Variants in ANKRD10 observed in about 807,000 individuals in gnomAD.
The protein encoded by ANKRD10 is ankyrin repeat domain-containing protein 10.
Under a neutral mutation model 27.0 loss-of-function variants are expected in ANKRD10, and 14 were observed. The observed-to-expected ratio is 0.52, with a 90% CI of 0.34 to 0.81. The LOEUF (loss-of-function observed/expected upper bound fraction) is 0.81, where lower values mean the gene tolerates loss of function less well. Ranked by LOEUF, ANKRD10 falls within the 40% of genes least tolerant of loss-of-function variation. The pLI is 0.01. For missense variants in ANKRD10, 493 were observed against 544.0 expected (o/e 0.91, Z 0.93); for synonymous variants, 250 against 224.5 (o/e 1.11, Z -1.01).
At chr13:110,889,767 G>A (rs1264930686) in intron 4 of ANKRD10, among the ~76,000 whole-genome samples, 1 of 152,134 alleles carries the variant, frequency 6.6e-6, no homozygotes, top group Non-Finnish European at 1.5e-5. Flanking sequence ...AGGTGACTTA[G>A]CCAGAAAACT....
intron 4 of ANKRD10, among the ~76,000 whole-genome samples, chr13:110,891,622 G>A (rs1442235463): frequency 6.6e-6 from 1 of 152,168 alleles, no homozygotes; most frequent in African/African-American, 2.4e-5. Context: ...AAATAAGGTA[G>A]AAAAGATGAT....
At chr13:110,882,693 A>G (rs2064842273) in intron 5 of ANKRD10, among the ~76,000 whole-genome samples, 1 of 152,196 alleles carries the variant, frequency 6.6e-6, no homozygotes, top group Admixed American at 6.5e-5. Context: ...AAATATACTA[A>G]CTGATCTGAA....
At position 110,911,248 on chromosome 13, in the gene ANKRD10, G is replaced by C. The variant is rs532590326; in HGVS notation, c.211-478C>G. 9.3e-5 allele frequency among the ~76,000 whole-genome samples: 13 copies of C among 139,600 alleles called. No homozygotes were observed. The South Asian group carries it at 3.0e-3, about 32-fold the overall frequency. The allele number at this position is 139,600 out of a possible 152,430, so 91.6% of individuals were successfully genotyped here. A position where few individuals can be genotyped will look rare whatever the true frequency, so the allele number is the denominator to read the frequency against. On this transcript the variant is annotated intron_variant, in intron 1 of 5. Coordinates refer to ENST00000267339, the MANE Select transcript of ANKRD10 (RefSeq NM_017664.4). ...GTGGATCACTTGAGGTCAGGAATTC[G>C]AAACCAGCCTGGCCAACATGGTGAA...
intron 3 of ANKRD10, among the ~76,000 whole-genome samples, chr13:110,893,722 C>G (rs890142922): frequency 2.0e-5 from 3 of 152,222 alleles, no homozygotes; most frequent in Non-Finnish European, 2.9e-5. Flanking sequence ...AACGAGCCAG[C>G]CTTCATGCTT....
At chr13:110,897,984 A>G (rs1399314120) in intron 3 of ANKRD10, among the ~76,000 whole-genome samples, 1 of 152,196 alleles carries the variant, frequency 6.6e-6, no homozygotes, top group Non-Finnish European at 1.5e-5. Flanking sequence ...TTTCTGAAAA[A>G]CATCTATTAA....
chr13:110,905,527 T>C (rs1359512634), intron 3 of ANKRD10, among the ~76,000 whole-genome samples: 1 of 152,212 alleles, frequency 6.6e-6, no homozygotes, highest in Non-Finnish European at 1.5e-5. Context: ...CTATCAACCA[T>C]TAAGTTACAA....
Position 110,914,815 on chromosome 13 carries a change from C to G in ANKRD10, c.120G>C (p.Ser40=). Reference sequence around the variant, plus strand: ...GGGCGTGGGGTGTCTGCTGCAGCAGCGAGCAGAGCGTGGCCAGGTCCCCGT... The same window carrying G: ...GGGCGTGGGGTGTCTGCTGCAGCAGGGAGCAGAGCGTGGCCAGGTCCCCGT... ...CRDGDLATLC[S]LLQQTPHAHL... Residue 40 remains serine (S), a synonymous_variant, in exon 1 of 6, where the codon TCG becomes TCC. Transcript: ENST00000267339. 6.3e-7 allele frequency: 1 copy of G among 1,590,288 alleles called. No individual in the cohort carries two copies. The highest frequency in any genetic ancestry group is 8.6e-7 in the Non-Finnish European group (1 of 1,169,294).
chr13:110,885,787 T>C (rs1307318236), intron 4 of ANKRD10, among the ~76,000 whole-genome samples: 6 of 152,134 alleles, frequency 3.9e-5, no homozygotes, highest in Non-Finnish European at 7.3e-5. Context: ...GGGAATACAA[T>C]GCAGACAGCT....
chr13:110,914,136 C>T (rs2065806538), intron 1 of ANKRD10, among the ~76,000 whole-genome samples: 1 of 152,194 alleles, frequency 6.6e-6, no homozygotes, highest in Non-Finnish European at 1.5e-5. Context: ...TCCCACACAG[C>T]TGCCGGGGCC....
chr13:110,913,704 A>G (rs1039906196), intron 1 of ANKRD10, among the ~76,000 whole-genome samples: 3 of 152,142 alleles, frequency 2.0e-5, no homozygotes, highest in Non-Finnish European at 4.4e-5. Flanking sequence ...CTTATTTCAC[A>G]TTACCTCTCA....
chr13:110,886,388 A>G (rs796584066), intron 4 of ANKRD10, among the ~76,000 whole-genome samples: 6 of 152,332 alleles, frequency 3.9e-5, no homozygotes, highest in African/African-American at 1.4e-4. Flanking sequence ...CTATTGTGGG[A>G]ATCATTCCAA....
intron 5 of ANKRD10, 55 bp from the exon 6 acceptor site, chr13:110,880,167 A>T (rs1734783786): frequency 2.4e-5 from 34 of 1,423,092 alleles, no homozygotes; most frequent in Non-Finnish European, 3.3e-5. Flanking sequence ...GGGAGGAGAA[A>T]CTATAAAATG....
intron 4 of ANKRD10, among the ~76,000 whole-genome samples, chr13:110,891,556 TACTG>T (rs2065073663): frequency 6.6e-6 from 1 of 152,210 alleles, no homozygotes; most frequent in Non-Finnish European, 1.5e-5. Context: ...AAGTACATAA[TACTG>T]ACATTTTATC....
At chr13:110,911,885 T>C (rs1247942575) in intron 1 of ANKRD10, 1 of 152,248 alleles carries the variant, frequency 6.6e-6, no homozygotes, top group Admixed American at 6.5e-5. Context: ...TGTGCACTTT[T>C]ACACAAGCCA....
chr13:110,889,706 G>GCTTTTT (rs756718773), intron 4 of ANKRD10, among the ~76,000 whole-genome samples: 6 of 152,136 alleles, frequency 3.9e-5, no homozygotes, highest in Admixed American at 6.5e-5. Context: ...AAGTGTTTTG[G>GCTTTTT]CTTTTTCTTT....
At chr13:110,881,346 C>G (rs914012250) in intron 5 of ANKRD10, among the ~76,000 whole-genome samples, 1 of 152,218 alleles carries the variant, frequency 6.6e-6, no homozygotes, top group African/African-American at 2.4e-5. Context: ...TCCCCTCCAT[C>G]TCACCTCCTG....
chr13:110,907,010 C>T (rs1171591905), intron 2 of ANKRD10, among the ~76,000 whole-genome samples: 1 of 152,104 alleles, frequency 6.6e-6, no homozygotes, highest in African/African-American at 2.4e-5. Context: ...ACACAGCAAT[C>T]AAGAGAAGAA....
At chr13:110,897,403 C>T (rs774985853) in intron 3 of ANKRD10, among the ~76,000 whole-genome samples, 54 of 150,990 alleles carry the variant, frequency 3.6e-4, no homozygotes, top group African/African-American at 1.1e-3. Context: ...AGATTAGAGG[C>T]ATGAGCCACT....
intron 1 of ANKRD10, among the ~76,000 whole-genome samples, chr13:110,912,518 C>T (rs1209760936): frequency 6.6e-6 from 1 of 152,158 alleles, no homozygotes; most frequent in East Asian, 1.9e-4. Context: ...AATCACTTGG[C>T]GTACCAAAAA....
Sources: gnomAD v4.1 joint callset for allele counts (sites outside exome capture counted in the v4.1 genomes callset) on GRCh38, gnomAD v4.1.1 for gene constraint, MANE v1.5 for transcripts, NCBI Gene and HGNC (gene_info 2026-07-23, HGNC 2026-07-21) for gene names.